Variants in MYO10 observed in about 807,000 individuals in gnomAD.
MYO10 encodes myosin X.
MYO10 carries 133 observed loss-of-function variants against 257.3 expected under a neutral mutation model. The observed-to-expected ratio is 0.52, with a 90% CI of 0.45 to 0.60. MYO10 has a LOEUF of 0.60. Ranked by LOEUF, MYO10 falls within the 20% of genes least tolerant of loss-of-function variation. The pLI is 0.00. For missense variants in MYO10, 2,399 were observed against 2,635.7 expected, an observed-to-expected ratio of 0.91 and a Z score of 1.97; for synonymous variants, 1,104 against 1,028.6, an observed-to-expected ratio of 1.07 and a Z score of -1.40.
At chr5:16,773,051 T>C (rs1413877367) in intron 9 of MYO10, among the ~76,000 whole-genome samples, 7 of 152,240 alleles carry the variant, frequency 4.6e-5, no homozygotes, top group Non-Finnish European at 7.3e-5. Flanking sequence ...TAAATGGACG[T>C]ATTTAATTAT....
Position 16,701,475 on chromosome 5 carries a change from T to G in MYO10, c.2920A>C (p.Ser974Arg), listed in dbSNP as rs1738067141. The G allele has an allele frequency of 1.9e-6, 3 of 1,613,840 alleles. No individual in the cohort carries two copies. The highest frequency in any genetic ancestry group is 2.5e-6 in the Non-Finnish European group (3 of 1,179,854). Residue 974 changes from serine to arginine, a missense_variant, in exon 25 of 41, where the codon AGC becomes CGC. Ser to Arg is a moderately radical substitution (Grantham distance 110, BLOSUM62 -1). Transcript: ENST00000513610. This position sits in a 1 kb window ranked among gnomAD's most constrained non-coding sequence, Gnocchi z 8.1. The part of the protein sequence containing the change: ...GSEFSSELAE[S>R]ACEEKPNFNF... The stretch of plus-strand genomic sequence containing the variant: ...AAGTTGGGCTTCTCCTCGCATGCGC[T>G]CTCAGCCAGCTCGCTGGAAAATTCG...
intron 19 of MYO10, among the ~76,000 whole-genome samples, chr5:16,714,807 A>G (rs1460806476): frequency 6.6e-6 from 1 of 152,222 alleles, no homozygotes; most frequent in Non-Finnish European, 1.5e-5. Flanking sequence ...TGGGCGACAG[A>G]GCGAGAAAAC....
chr5:16,923,364 G>A (rs977147243), intron 1 of MYO10, among the ~76,000 whole-genome samples: 6 of 150,812 alleles, frequency 4.0e-5, no homozygotes, highest in Non-Finnish European at 7.4e-5. Flanking sequence ...TCAGCTCACT[G>A]CAAGCTCCGC....
chr5:16,731,867 G>A (rs748222041), intron 19 of MYO10, among the ~76,000 whole-genome samples: 4 of 152,168 alleles, frequency 2.6e-5, no homozygotes, highest in Non-Finnish European at 5.9e-5. Flanking sequence ...GATCATTCAC[G>A]GCTGGACACA....
At chr5:16,753,209 C>G (rs930867022) in intron 19 of MYO10, among the ~76,000 whole-genome samples, 1 of 152,172 alleles carries the variant, frequency 6.6e-6, no homozygotes, top group South Asian at 2.1e-4. Flanking sequence ...CTCTGTCGCC[C>G]AGGATGGAGT....
At chr5:16,807,124 C>T (rs1414228172) in intron 3 of MYO10, among the ~76,000 whole-genome samples, 1 of 152,124 alleles carries the variant, frequency 6.6e-6, no homozygotes, top group Non-Finnish European at 1.5e-5. Flanking sequence ...TTCGTACTCA[C>T]CATCCCCCCG....
Position 16,666,446 on chromosome 5 carries a change from G to T in MYO10, c.*246C>A. 2 of 411,184 alleles carry T rather than the reference G, an allele frequency of 4.9e-6. No homozygotes were observed. The highest frequency in any genetic ancestry group is 2.1e-5 in the African/African-American group (1 of 48,720). 25.5% of individuals were successfully genotyped at this position (411,184 alleles called of 1,614,324 possible). ...CGTGGTTCCTCCCCTCCTTTTTTAA[G>T]GCATGTGTCCTCTAAGAGTAGTAAA... On this transcript the variant is annotated 3_prime_UTR_variant, in exon 41 of 41. Coordinates refer to ENST00000513610, the MANE Select transcript of MYO10 (RefSeq NM_012334.3).
intron 2 of MYO10, among the ~76,000 whole-genome samples, chr5:16,874,344 C>CTG (rs796101418): frequency 1.1e-3 from 31 of 28,472 alleles, no homozygotes; most frequent in African/African-American, 2.9e-3. Context: ...AAAAAAAAAG[C>CTG]GGGGGGGGGG....
chr5:16,872,532 T>C (rs1171232829), intron 2 of MYO10, among the ~76,000 whole-genome samples: 2 of 152,188 alleles, frequency 1.3e-5, no homozygotes, highest in South Asian at 2.1e-4. Context: ...ATTCTTACCA[T>C]AATTTTTTTA....
chr5:16,781,613 T>C, intron 6 of MYO10, 92 bp downstream of exon 6: 1 of 1,288,072 alleles, frequency 7.8e-7, no homozygotes. Context: ...GAAAGAAATG[T>C]TTCACATTCT....
intron 2 of MYO10, among the ~76,000 whole-genome samples, chr5:16,840,537 G>A (rs1346758427): frequency 6.6e-6 from 1 of 152,050 alleles, no homozygotes; most frequent in African/African-American, 2.4e-5. Context: ...ATTCTAAGAA[G>A]CCCTTGTGGA....
chr5:16,690,336 AGTGGGGTGGT>A (rs2126521086), intron 27 of MYO10, among the ~76,000 whole-genome samples: 2 of 152,152 alleles, frequency 1.3e-5, no homozygotes, highest in African/African-American at 4.8e-5. Flanking sequence ...TGGGGTGGGG[AGTGGGGTGGT>A]GGTTCTGGAA....
In MYO10 at chr5:16,759,534, G is replaced by A. The variant is rs1026749483; in HGVS notation, c.1740-1308C>T. 3.9e-5 allele frequency among the ~76,000 whole-genome samples: 6 copies of A among 152,280 alleles called. No individual in the cohort carries two copies. The East Asian group carries it at 1.2e-3, about 29-fold the overall frequency. On this transcript the variant is annotated intron_variant, in intron 17 of 40. Coordinates refer to ENST00000513610, the MANE Select transcript of MYO10 (RefSeq NM_012334.3). ...AAAGGTGAAAGAGAGTGAAGCAAGT[G>A]AACAGCCCCAGCTCCTCGGTTTGCA...
chr5:16,921,548 G>A (rs1210155433), intron 1 of MYO10, among the ~76,000 whole-genome samples: 1 of 151,444 alleles, frequency 6.6e-6, no homozygotes, highest in Non-Finnish European at 1.5e-5. Context: ...ATAAATGTGT[G>A]GTCTCCCACA....
At chr5:16,669,402 C>T (rs1315310638) in intron 39 of MYO10, among the ~76,000 whole-genome samples, 1 of 152,048 alleles carries the variant, frequency 6.6e-6, no homozygotes, top group Non-Finnish European at 1.5e-5. Context: ...GATGGGGTTT[C>T]ACCGTGTTAG....
At chr5:16,765,666 C>G (rs189263979) in intron 11 of MYO10, among the ~76,000 whole-genome samples, 81 of 152,238 alleles carry the variant, frequency 5.3e-4, no homozygotes, top group African/African-American at 1.7e-3. Context: ...TTACTCTGTA[C>G]CAGACATTAA....
At chr5:16,758,966 G>C (rs552046403) in intron 17 of MYO10, among the ~76,000 whole-genome samples, 2 of 151,958 alleles carry the variant, frequency 1.3e-5, no homozygotes, top group African/African-American at 2.4e-5. Flanking sequence ...CTTTCACCCA[G>C]GCTGGAGTGC....
intron 9 of MYO10, among the ~76,000 whole-genome samples, chr5:16,771,839 C>G (rs1741060290): frequency 6.6e-6 from 1 of 151,668 alleles, no homozygotes; most frequent in African/African-American, 2.4e-5. Flanking sequence ...CCTAGGTCTC[C>G]CAAAGTGCTG....
chr5:16,926,756 T>G (rs556918067), intron 1 of MYO10, among the ~76,000 whole-genome samples: 1 of 151,524 alleles, frequency 6.6e-6, no homozygotes, highest in Non-Finnish European at 1.5e-5. Flanking sequence ...TTCTCCACCT[T>G]GGTATTACTG....
Sources: gnomAD v4.1 joint callset for allele counts (sites outside exome capture counted in the v4.1 genomes callset) on GRCh38, gnomAD v4.1.1 for gene constraint, Gnocchi (gnomAD v3.1) non-coding constraint, MANE v1.5 for transcripts, NCBI Gene and HGNC (gene_info 2026-07-23, HGNC 2026-07-21) for gene names.